Variants in TNFRSF10B observed in about 807,000 individuals in gnomAD.
TNFRSF10B encodes tumor necrosis factor receptor superfamily member 10B.
A neutral mutation model predicts 41.4 loss-of-function variants in TNFRSF10B; 35 were observed. That is an observed-to-expected ratio of 0.85 (90% CI 0.65 to 1.12). The LOEUF (loss-of-function observed/expected upper bound fraction) is 1.12. TNFRSF10B is among the 50% of genes most tolerant of loss of function. TNFRSF10B has a pLI of 0.00. For synonymous variants in TNFRSF10B, 230 were observed against 215.5 expected (o/e 1.07, Z -0.59); for missense variants, 584 against 552.7 (o/e 1.06, Z -0.57).
intron 1 of TNFRSF10B, among the ~76,000 whole-genome samples, chr8:23,053,886 G>C (rs1812590286): frequency 6.6e-6 from 1 of 152,170 alleles, no homozygotes; most frequent in Non-Finnish European, 1.5e-5. Flanking sequence ...TTATTGGTAT[G>C]TGTTCCAAAG....
At chr8:23,058,329 T>C (rs1259255228) in intron 1 of TNFRSF10B, among the ~76,000 whole-genome samples, 1 of 152,226 alleles carries the variant, frequency 6.6e-6, no homozygotes, top group African/African-American at 2.4e-5. Flanking sequence ...CTTTGAGTTA[T>C]AGTGTTTGGT....
intron 1 of TNFRSF10B, among the ~76,000 whole-genome samples, chr8:23,057,392 T>C (rs1173101201): frequency 6.6e-6 from 1 of 151,308 alleles, no homozygotes; most frequent in Non-Finnish European, 1.5e-5. Flanking sequence ...CATTAATTGC[T>C]TAGAACAGTG....
At chr8:23,040,713 C>T (rs1812169738) in intron 2 of TNFRSF10B, among the ~76,000 whole-genome samples, 1 of 151,768 alleles carries the variant, frequency 6.6e-6, no homozygotes, top group Non-Finnish European at 1.5e-5. Flanking sequence ...CAGAGAGTGG[C>T]AGAATGAGTA....
intron 1 of TNFRSF10B, among the ~76,000 whole-genome samples, chr8:23,065,036 G>A (rs1016295266): frequency 1.3e-5 from 2 of 152,170 alleles, no homozygotes; most frequent in Non-Finnish European, 2.9e-5. Flanking sequence ...CTCTGGAGGT[G>A]GGGGAGGTGA....
At chr8:23,054,085 C>T (rs1419149356) in intron 1 of TNFRSF10B, among the ~76,000 whole-genome samples, 1 of 152,100 alleles carries the variant, frequency 6.6e-6, no homozygotes, top group Non-Finnish European at 1.5e-5. Context: ...TGTTTTGGTC[C>T]TCTTTAGAAG....
rs1379244176 is a variant in TNFRSF10B, at chr8:23,068,755, A to G, written c.140T>C (p.Leu47Pro). 1.1e-5 allele frequency: 18 copies of G among 1,583,730 alleles called. No homozygotes were observed. The highest frequency in any genetic ancestry group is 6.9e-5 in the East Asian group (3 of 43,566). ...GGGACCGCGGCGGGGACTCACCAAC[A>G]GCAGGACCGCGGCGACAACGAGCAC... ...TLVLVVAAVL[L>P]LVSAESALIT... The change falls in exon 1 of 9, where the codon CTG becomes CCG. Residue 47 changes from leucine to proline, a missense_variant. Leu to Pro is a moderately conservative substitution (Grantham distance 98). Coordinates refer to ENST00000276431, the MANE Select transcript of TNFRSF10B (RefSeq NM_003842.5).
intron 7 of TNFRSF10B, 55 bp downstream of exon 7, chr8:23,027,078 C>A: frequency 6.2e-7 from 1 of 1,612,198 alleles, no homozygotes; most frequent in Non-Finnish European, 8.5e-7. Flanking sequence ...CCACTGTCTA[C>A]GAAATCCCAG....
intron 4 of TNFRSF10B, 23 bp from the exon 5 acceptor site, chr8:23,028,625 A>T (rs1811784341): frequency 7.4e-6 from 12 of 1,613,128 alleles, no homozygotes; most frequent in Admixed American, 1.7e-5. Context: ...ACAGAGGGAG[A>T]GGGGGGACTC....
rs1491021558 is a variant in TNFRSF10B, at chr8:23,028,390, AAC to A, written c.687_688del (p.Phe230CysfsTer26). 1.9e-6 allele frequency: 3 copies of A among 1,614,150 alleles called. No homozygotes were observed. The highest frequency in any genetic ancestry group is 2.5e-6 in the Non-Finnish European group (3 of 1,180,010). ...CTTCCACAGTAAAGACTTGCAAACA[AAC>A]ACAGCCACAATCAAGACTACGGCTG... is the stretch of plus-strand genomic sequence containing the variant. On this transcript the variant is annotated frameshift_variant, in exon 5 of 9. Transcript: ENST00000276431. LOFTEE classifies it high-confidence loss of function.
At chr8:23,034,093 A>G (rs554815558) in intron 2 of TNFRSF10B, among the ~76,000 whole-genome samples, 2 of 152,364 alleles carry the variant, frequency 1.3e-5, no homozygotes, top group African/African-American at 4.8e-5. Flanking sequence ...ATAATTACAA[A>G]TTGATGTTAA....
intron 1 of TNFRSF10B, among the ~76,000 whole-genome samples, chr8:23,064,255 A>G (rs1244615842): frequency 6.6e-6 from 1 of 152,172 alleles, no homozygotes. Context: ...ACAGAATCCC[A>G]GACAGACAGG....
At chr8:23,067,525 A>C (rs1585232017) in intron 1 of TNFRSF10B, among the ~76,000 whole-genome samples, 1 of 152,254 alleles carries the variant, frequency 6.6e-6, no homozygotes, top group East Asian at 1.9e-4. Flanking sequence ...AAGCAGCCAG[A>C]GACCAAAGAT....
At chr8:23,026,139 T>TC (rs1464280115) in intron 7 of TNFRSF10B, among the ~76,000 whole-genome samples, 2 of 152,226 alleles carry the variant, frequency 1.3e-5, no homozygotes, top group African/African-American at 4.8e-5. Context: ...TTCATTTGTT[T>TC]CCTTTTAAAA....
At chr8:23,066,184 G>A (rs772061197) in intron 1 of TNFRSF10B, among the ~76,000 whole-genome samples, 1 of 151,986 alleles carries the variant, frequency 6.6e-6, no homozygotes, top group African/African-American at 2.4e-5. Flanking sequence ...TTGGGAGGCC[G>A]AGGTGGGAGG....
At chr8:23,045,547 A>G (rs1812333057) in intron 1 of TNFRSF10B, among the ~76,000 whole-genome samples, 1 of 152,200 alleles carries the variant, frequency 6.6e-6, no homozygotes, top group African/African-American at 2.4e-5. Flanking sequence ...AACTTTCCCA[A>G]ATAAATTACA....
At chr8:23,049,821 T>G (rs1044383264) in intron 1 of TNFRSF10B, 2 of 152,360 alleles carry the variant, frequency 1.3e-5, no homozygotes, top group South Asian at 2.1e-4. Flanking sequence ...CATCTTCTTA[T>G]TGGGCAGCGA....
rs1811860645 is a variant in TNFRSF10B, at chr8:23,030,839, A to T, written c.284T>A (p.Ile95Asn). ...ATAGTCCTGTCCATATTTGCAGGAG[A>T]TGCAATCTCTACCGTCTTCTGAGAT... The part of the protein sequence containing the change: ...HHISEDGRDC[I>N]SCKYGQDYST... Residue 95 changes from isoleucine (I) to asparagine (N), a missense_variant, in exon 3 of 9, where the codon ATC becomes AAC. Coordinates refer to ENST00000276431, the MANE Select transcript of TNFRSF10B (RefSeq NM_003842.5). 2.5e-6 allele frequency: 4 copies of T among 1,612,496 alleles called. No homozygotes were observed. The highest frequency in any genetic ancestry group is 2.7e-5 in the African/African-American group (2 of 74,824).
At chr8:23,051,631 G>C (rs1055177635) in intron 1 of TNFRSF10B, among the ~76,000 whole-genome samples, 1 of 150,950 alleles carries the variant, frequency 6.6e-6, no homozygotes, top group African/African-American at 2.4e-5. Context: ...TGCAAGCTCT[G>C]CCTCCCGGGT....
At chr8:23,050,065 T>C (rs1019603623) in intron 1 of TNFRSF10B, 2 of 152,188 alleles carry the variant, frequency 1.3e-5, no homozygotes, top group African/African-American at 2.4e-5. Context: ...AGAACAGAGA[T>C]AAGGAGCGGA....
Sources: gnomAD v4.1 joint callset for allele counts (sites outside exome capture counted in the v4.1 genomes callset) on GRCh38, gnomAD v4.1.1 for gene constraint, MANE v1.5 for transcripts, NCBI Gene and HGNC (gene_info 2026-07-23, HGNC 2026-07-21) for gene names.